The following PTH1R variants were observed in gnomAD, a reference collection of about 807,000 sequenced individuals.
The protein encoded by PTH1R is parathyroid hormone/parathyroid hormone-related peptide receptor.
A neutral mutation model predicts 70.7 loss-of-function variants in PTH1R; 32 were observed. That is an observed-to-expected ratio of 0.45 (90% CI 0.34 to 0.61). The LOEUF (loss-of-function observed/expected upper bound fraction) is 0.61, where lower values mean the gene tolerates loss of function less well. Ranked by LOEUF, PTH1R falls within the 20% of genes least tolerant of loss-of-function variation. The pLI is 0.01. For missense variants in PTH1R, 626 were observed against 792.5 expected (o/e 0.79, Z 2.52); for synonymous variants, 329 against 324.8 (o/e 1.01, Z -0.14).
At position 46,896,757 on chromosome 3, in the gene PTH1R, A is replaced by T. The variant is rs936184; in HGVS notation, c.313+888A>T. On this transcript the variant is annotated intron_variant, in intron 5 of 15. Transcript: ENST00000449590. The surrounding 1 kb of genome is among the most constrained non-coding windows in gnomAD (Gnocchi z 4.1). Reference sequence around the variant, plus strand: ...AAGCTGGGAGTGGAATGTGGAAGATACAGAGGCTGGGGACCCTCCAAGGTC... The same window carrying T: ...AAGCTGGGAGTGGAATGTGGAAGATTCAGAGGCTGGGGACCCTCCAAGGTC... Among the ~76,000 whole-genome samples the T allele has an allele frequency of 6.6e-6, 1 of 152,012 alleles. No individual in the cohort carries two copies. The highest frequency in any genetic ancestry group is 6.5e-5 in the Admixed American group (1 of 15,280).
Position 46,895,740 on chromosome 3 carries a change from A to G in PTH1R, c.184A>G (p.Ile62Val). Reference protein sequence around the residue: ...LKEVLQRPASIMESDKGWTSA... With the variant: ...LKEVLQRPASVMESDKGWTSA... Reference sequence around the variant, plus strand: ...TACCACCCTGGTTTCTCCAGCCAGCATAATGGAATCAGACAAGGGATGGAC... The same window carrying G: ...TACCACCCTGGTTTCTCCAGCCAGCGTAATGGAATCAGACAAGGGATGGAC... The change falls in exon 5 of 16, where the codon ATA becomes GTA. Residue 62 changes from isoleucine to valine, a missense_variant. By Grantham distance (29) the Ile-to-Val change is conservative. This residue lies in a region of PTH1R where 123 missense variants were observed against 125.7 expected (regional missense o/e 0.98). Coordinates refer to ENST00000449590, the MANE Select transcript of PTH1R (RefSeq NM_000316.3). 1 of 1,614,154 alleles carries G rather than the reference A, an allele frequency of 6.2e-7. No individual in the cohort carries two copies. The highest frequency in any genetic ancestry group is 8.5e-7 in the Non-Finnish European group (1 of 1,180,016).
chr3:46,901,317 C>T lies in PTH1R; in HGVS notation c.1050-97C>T. 3.4e-6 allele frequency: 5 copies of T among 1,466,836 alleles called. No homozygotes were observed. The highest frequency in any genetic ancestry group is 4.7e-6 in the Non-Finnish European group (5 of 1,073,064). The allele number at this position is 1,466,836 out of a possible 1,614,324, so 90.9% of individuals were successfully genotyped here. On this transcript the variant is annotated intron_variant, in intron 11 of 15. Transcript: ENST00000449590. This position sits in a 1 kb window ranked among gnomAD's most constrained non-coding sequence, Gnocchi z 7.3. Reference sequence around the variant, plus strand: ...ACCCAGCACCCCTGCCCTGTGTCCTCAACAGCTAATGTCAGACCAGACCAA... The same window carrying T: ...ACCCAGCACCCCTGCCCTGTGTCCTTAACAGCTAATGTCAGACCAGACCAA...
In PTH1R at chr3:46,895,890, A is replaced by G. The variant is rs200098858; in HGVS notation, c.313+21A>G. On this transcript the variant is annotated intron_variant, in intron 5 of 15. Transcript: ENST00000449590. ...CCGAGGTACGTCTCTGCTTCCATGCATCCAGCTGGCATGGGCTTGGATCCA... is the reference window on the plus strand; with the variant it reads ...CCGAGGTACGTCTCTGCTTCCATGCGTCCAGCTGGCATGGGCTTGGATCCA... The G allele has an allele frequency of 1.9e-6, 3 of 1,610,158 alleles. No homozygotes were observed. In the African/African-American group the frequency reaches 4.0e-5, roughly 22 times the overall value.
At position 46,902,390 on chromosome 3, in the gene PTH1R, G is replaced by A. The variant is rs2032177765; in HGVS notation, c.1212-136G>A. 21 of 1,199,402 alleles carry A rather than the reference G, an allele frequency of 1.8e-5. No homozygotes were observed. Among genetic ancestry groups the A allele is most frequent in the Non-Finnish European group, 2.5e-5 (21 of 835,164 alleles). 74.3% of individuals were successfully genotyped at this position (1,199,402 alleles called of 1,614,324 possible). A position where few individuals can be genotyped will look rare whatever the true frequency, so the allele number is the denominator to read the frequency against. On this transcript the variant is annotated intron_variant, in intron 13 of 15. Coordinates refer to ENST00000449590, the MANE Select transcript of PTH1R (RefSeq NM_000316.3). This position sits in a 1 kb window ranked among gnomAD's most constrained non-coding sequence, Gnocchi z 5.4. Reference sequence around the variant, plus strand: ...GGACAGCAGCCATGCAGGTGAACTGGGTTGTCCTCCCATGGTGACTGGAGC... The same window carrying A: ...GGACAGCAGCCATGCAGGTGAACTGAGTTGTCCTCCCATGGTGACTGGAGC...
In PTH1R at chr3:46,901,553, A is replaced by C; in HGVS notation, c.1116+73A>C. On this transcript the variant is annotated intron_variant, in intron 12 of 15. Coordinates refer to ENST00000449590, the MANE Select transcript of PTH1R (RefSeq NM_000316.3). This position sits in a 1 kb window ranked among gnomAD's most constrained non-coding sequence, Gnocchi z 7.3. ...CTGCGTCCCCTGGAACCAGCCCCTGACAGGGACCTAGGAGGCTTCCCTGGA... is the reference window on the plus strand; with the variant it reads ...CTGCGTCCCCTGGAACCAGCCCCTGCCAGGGACCTAGGAGGCTTCCCTGGA... 4 of 1,522,794 alleles carry C rather than the reference A, an allele frequency of 2.6e-6. No homozygotes were observed. In the Admixed American group the frequency reaches 7.9e-5, roughly 30 times the overall value. The allele number at this position is 1,522,794 out of a possible 1,614,324, so 94.3% of individuals were successfully genotyped here. A position where few individuals can be genotyped will look rare whatever the true frequency, so the allele number is the denominator to read the frequency against.
chr3:46,897,624 G>A (rs1158026967), intron 5 of PTH1R, among the ~76,000 whole-genome samples: 3 of 152,118 alleles, frequency 2.0e-5, no homozygotes, highest in East Asian at 1.9e-4. Flanking sequence ...CCAGCTACTC[G>A]GGAGGCTGAG....
rs1362455142 is a variant in PTH1R at position 46,903,224 on chromosome 3, T to C, written c.1396-46T>C. On this transcript the variant is annotated intron_variant, in intron 15 of 15. Coordinates refer to ENST00000449590, the MANE Select transcript of PTH1R (RefSeq NM_000316.3). The surrounding 1 kb of genome is among the most constrained non-coding windows in gnomAD (Gnocchi z 4.4). The stretch of plus-strand genomic sequence containing the variant: ...TCCAGGGGCCGGGATGGGGCATCGC[T>C]GGGGTTGGGAGACACACCTGACTGC... 6.2e-7 allele frequency: 1 copy of C among 1,609,430 alleles called. No individual in the cohort carries two copies. Among genetic ancestry groups the C allele is most frequent in the East Asian group, 2.2e-5 (1 of 44,758 alleles).
intron 10 of PTH1R, 81 bp downstream of exon 10, chr3:46,899,537 G>A (rs993964209): frequency 6.5e-6 from 10 of 1,536,460 alleles, no homozygotes; most frequent in Non-Finnish European, 6.1e-6. Context: ...CTGGGGGGAG[G>A]CGCCCACACA....
chr3:46,890,903 A>G, intron 3 of PTH1R, among the ~76,000 whole-genome samples: 1 of 152,144 alleles, frequency 6.6e-6, no homozygotes. Flanking sequence ...GGTGGGATTC[A>G]CATTGTGGGG....
At chr3:46,895,952 A>G (rs2031726570) in intron 5 of PTH1R, 83 bp downstream of exon 5, 1 of 1,515,314 alleles carries the variant, frequency 6.6e-7, no homozygotes, top group African/African-American at 1.4e-5. Context: ...ATGTGAGCTC[A>G]TGCTTCTTGG....
intron 4 of PTH1R, 103 bp downstream of exon 4, chr3:46,894,112 G>T: frequency 8.1e-7 from 1 of 1,232,156 alleles, no homozygotes; most frequent in Non-Finnish European, 1.2e-6. Flanking sequence ...TCTCTGTGGG[G>T]GCGGACTTAG....
chr3:46,883,776 T>G lies in PTH1R; in HGVS notation c.75+142T>G. 2.1e-6 allele frequency: 2 copies of G among 959,870 alleles called. No individual in the cohort carries two copies. The highest frequency in any genetic ancestry group is 3.1e-5 in the South Asian group (2 of 65,294). The allele number at this position is 959,870 out of a possible 1,614,324, so 59.5% of individuals were successfully genotyped here. ...GTCCCCTCTGATCCAGGATCCTGGGTGCCTGCTGTCTCTGGGATGTCTGGA... is the reference window on the plus strand; with the variant it reads ...GTCCCCTCTGATCCAGGATCCTGGGGGCCTGCTGTCTCTGGGATGTCTGGA... On this transcript the variant is annotated intron_variant, in intron 3 of 15. Transcript: ENST00000449590. The surrounding 1 kb of genome is among the most constrained non-coding windows in gnomAD (Gnocchi z 6.4).
Position 46,903,411 on chromosome 3 carries a change from G to A in PTH1R, c.1537G>A (p.Gly513Arg), listed in dbSNP as rs2107068882. 1 of 1,613,316 alleles carries A rather than the reference G, an allele frequency of 6.2e-7. No homozygotes were observed. The highest frequency in any genetic ancestry group is 8.5e-7 in the Non-Finnish European group (1 of 1,179,790). Residue 513 changes from glycine (G) to arginine (R), a missense_variant, in exon 16 of 16, where the codon GGA (glycine) becomes AGA (arginine). By Grantham distance (125) the Gly-to-Arg change is moderately radical. Coordinates refer to ENST00000449590, the MANE Select transcript of PTH1R (RefSeq NM_000316.3). This position sits in a 1 kb window ranked among gnomAD's most constrained non-coding sequence, Gnocchi z 4.4. The part of the protein sequence containing the change: ...TSVTNVGPRV[G>R]LGLPLSPRLL... ...TGTGACCAATGTCGGCCCCCGTGTG[G>A]GACTCGGCCTGCCCCTCAGCCCCCG...
Position 46,901,422 on chromosome 3 carries a change from A to G in PTH1R, c.1058A>G (p.Asp353Gly), listed in dbSNP as rs1257666000. 6.4e-7 allele frequency: 1 copy of G among 1,572,780 alleles called. No individual in the cohort carries two copies. The highest frequency in any genetic ancestry group is 1.2e-5 in the South Asian group (1 of 85,502). The change falls in exon 12 of 16, where the codon GAC becomes GGC. Residue 353 changes from aspartate to glycine, a missense_variant. By Grantham distance (94) the Asp-to-Gly change is moderately conservative. Coordinates refer to ENST00000449590, the MANE Select transcript of PTH1R (RefSeq NM_000316.3). The surrounding 1 kb of genome is among the most constrained non-coding windows in gnomAD (Gnocchi z 7.3). ...GCCTCAACCTCCCCCAGGTGCTGGGACTTGAGCTCCGGGAACAAAAAGTGG... is the reference window on the plus strand; with the variant it reads ...GCCTCAACCTCCCCCAGGTGCTGGGGCTTGAGCTCCGGGAACAAAAAGTGG... Reference protein sequence around the residue: ...RATLANTGCWDLSSGNKKWII... With the variant: ...RATLANTGCWGLSSGNKKWII...
chr3:46,887,792 G>A (rs1275368797), intron 3 of PTH1R, among the ~76,000 whole-genome samples: 13 of 152,152 alleles, frequency 8.5e-5, no homozygotes, highest in Non-Finnish European at 1.5e-5. Flanking sequence ...TTTAAATGCT[G>A]CATAGTATTC....
chr3:46,902,604 C>T lies in PTH1R; in HGVS notation c.1290C>T (p.Thr430=), dbSNP rs748517718. The change falls in exon 14 of 16, where the codon ACC becomes ACT. Residue 430 remains threonine, a synonymous_variant. Coordinates refer to ENST00000449590, the MANE Select transcript of PTH1R (RefSeq NM_000316.3). This position sits in a 1 kb window ranked among gnomAD's most constrained non-coding sequence, Gnocchi z 5.4. ...TTGTCTTCATGGCCACACCATACACCGAGGTCTCAGGGACGCTCTGGCAAG... is the reference window on the plus strand; with the variant it reads ...TTGTCTTCATGGCCACACCATACACTGAGGTCTCAGGGACGCTCTGGCAAG... ...HYIVFMATPY[T]EVSGTLWQVQ... 5.0e-6 allele frequency: 8 copies of T among 1,613,918 alleles called. No individual in the cohort carries two copies. Among genetic ancestry groups the T allele is most frequent in the South Asian group, 2.2e-5 (2 of 91,070 alleles).
chr3:46,900,150 A>G lies in PTH1R; in HGVS notation c.988+694A>G, dbSNP rs77500002. Among the ~76,000 whole-genome samples, 23 of 152,284 alleles carry G rather than the reference A, an allele frequency of 1.5e-4. No homozygotes were observed. The East Asian group carries it at 4.1e-3, about 27-fold the overall frequency. On this transcript the variant is annotated intron_variant, in intron 10 of 15. Coordinates refer to ENST00000449590, the MANE Select transcript of PTH1R (RefSeq NM_000316.3). ...GGAGCCCTCTCTGCACTCAGCACCC[A>G]GAGGCCCACAGGTCAACAGCCACCG...
At position 46,884,260 on chromosome 3, in the gene PTH1R, TG is replaced by T. The variant is rs1357005835; in HGVS notation, c.75+630del. Reference sequence around the variant, plus strand: ...TGTAGGAGAAGCACAGCATATCCTGTGGGGAAGTGAGGAGACCCCTGGAAAG... The same window carrying T: ...TGTAGGAGAAGCACAGCATATCCTGTGGGAAGTGAGGAGACCCCTGGAAAG... On this transcript the variant is annotated intron_variant, in intron 3 of 15. Transcript: ENST00000449590. The surrounding 1 kb of genome is among the most constrained non-coding windows in gnomAD (Gnocchi z 4.8). 6.6e-6 allele frequency among the ~76,000 whole-genome samples: 1 copy of T among 152,034 alleles called. No homozygotes were observed. The highest frequency in any genetic ancestry group is 1.5e-5 in the Non-Finnish European group (1 of 67,980).
intron 4 of PTH1R, 120 bp downstream of exon 4, chr3:46,894,129 G>C: frequency 9.6e-7 from 1 of 1,042,066 alleles, no homozygotes; most frequent in South Asian, 1.5e-5. Flanking sequence ...TTAGGTAAAG[G>C]GGGCCAGGCC....
Sources: allele counts gnomAD v4.1 joint callset (sites outside exome capture counted in the v4.1 genomes callset), GRCh38; gene constraint gnomAD v4.1.1; regional missense constraint gnomAD v4.1.1; non-coding constraint Gnocchi (gnomAD v3.1); transcripts MANE v1.5; gene names NCBI Gene and HGNC (gene_info 2026-07-23, HGNC 2026-07-21).